The following RIT2 variants were observed in gnomAD, a reference collection of about 807,000 sequenced individuals.
RIT2 encodes Ras like without CAAX 2.
A neutral mutation model predicts 23.7 loss-of-function variants in RIT2; 24 were observed. The observed-to-expected ratio is 1.01, with a 90% CI of 0.73 to 1.43. The LOEUF is 1.43. RIT2 is among the 40% of genes most tolerant of loss of function. The pLI is 0.00. For synonymous variants in RIT2, 107 were observed against 91.1 expected, an observed-to-expected ratio of 1.17 and a Z score of -0.99; for missense variants, 236 against 266.9, an observed-to-expected ratio of 0.88 and a Z score of 0.81.
chr18:43,062,972 G>A (rs987101032), intron 1 of RIT2, among the ~76,000 whole-genome samples: 2 of 152,000 alleles, frequency 1.3e-5, no homozygotes, highest in Admixed American at 6.6e-5. Context: ...TTTTGAAAAG[G>A]AAAGGCTAGG....
intron 1 of RIT2, among the ~76,000 whole-genome samples, chr18:43,096,489 T>C (rs1292758987): frequency 1.3e-5 from 2 of 151,868 alleles, no homozygotes; most frequent in South Asian, 2.1e-4. Flanking sequence ...TATGTATTTA[T>C]ATTGCCTGTA....
rs566335223 is a variant in RIT2 at position 42,869,921 on chromosome 18, T to C, written c.426+53651A>G. Among the ~76,000 whole-genome samples the C allele has an allele frequency of 2.6e-5, 4 of 152,358 alleles. No individual in the cohort carries two copies. In the East Asian group the frequency reaches 5.8e-4, roughly 22 times the overall value. ...ACATATCCTTTCTCTACTCTCTGCC[T>C]GTTGGTTGAGTTCCCTGCCACCTCC... On this transcript the variant is annotated intron_variant, in intron 4 of 4. Coordinates refer to ENST00000326695, the MANE Select transcript of RIT2 (RefSeq NM_002930.4).
chr18:42,793,685 G>T (rs987855248), intron 4 of RIT2, among the ~76,000 whole-genome samples: 3 of 152,104 alleles, frequency 2.0e-5, no homozygotes, highest in Admixed American at 6.5e-5. Flanking sequence ...GACAGATAAA[G>T]AGAACCCAAA....
intron 4 of RIT2, among the ~76,000 whole-genome samples, chr18:42,848,563 G>A (rs1906968831): frequency 6.6e-6 from 1 of 152,144 alleles, no homozygotes; most frequent in Non-Finnish European, 1.5e-5. Context: ...AAAATGTTAT[G>A]AAGTAGGAAT....
At chr18:43,069,291 G>A (rs773053322) in intron 1 of RIT2, among the ~76,000 whole-genome samples, 1 of 152,048 alleles carries the variant, frequency 6.6e-6, no homozygotes, top group Non-Finnish European at 1.5e-5. Context: ...GCCCTACTCT[G>A]TCTATGGAGT....
chr18:42,799,327 T>G (rs758915695), intron 4 of RIT2, among the ~76,000 whole-genome samples: 1 of 152,208 alleles, frequency 6.6e-6, no homozygotes, highest in Non-Finnish European at 1.5e-5. Context: ...AGCCAAACCC[T>G]TTACCTAAAG....
chr18:42,987,389 ATT>A (rs1208290693), intron 2 of RIT2, among the ~76,000 whole-genome samples: 2 of 152,184 alleles, frequency 1.3e-5, no homozygotes, highest in Non-Finnish European at 2.9e-5. Flanking sequence ...CACCCTGCTG[ATT>A]TCAGAAGCAA....
intron 4 of RIT2, among the ~76,000 whole-genome samples, chr18:42,862,022 G>A (rs948154994): frequency 2.6e-5 from 4 of 152,082 alleles, no homozygotes; most frequent in African/African-American, 9.7e-5. Context: ...AGAGGATCTG[G>A]TATGTTGAAA....
chr18:43,047,599 T>C (rs1344968000), intron 1 of RIT2, among the ~76,000 whole-genome samples: 1 of 151,894 alleles, frequency 6.6e-6, no homozygotes, highest in Non-Finnish European at 1.5e-5. Context: ...AAAATCAAGT[T>C]AAAATAAAAT....
intron 4 of RIT2, among the ~76,000 whole-genome samples, chr18:42,879,342 T>A (rs1170404041): frequency 6.6e-6 from 1 of 152,206 alleles, no homozygotes; most frequent in Non-Finnish European, 1.5e-5. Context: ...TGAAGTATAT[T>A]TGATATTTTG....
At chr18:42,762,115 A>G (rs1913316268) in intron 4 of RIT2, among the ~76,000 whole-genome samples, 1 of 152,224 alleles carries the variant, frequency 6.6e-6, no homozygotes, top group Non-Finnish European at 1.5e-5. Flanking sequence ...AGTAATATTA[A>G]GAGGAAAATA....
At chr18:42,934,799 A>T (rs953817541) in intron 3 of RIT2, among the ~76,000 whole-genome samples, 2 of 152,180 alleles carry the variant, frequency 1.3e-5, no homozygotes, top group African/African-American at 4.8e-5. Context: ...TATTGCAGCA[A>T]TATTTTAAAA....
intron 2 of RIT2, among the ~76,000 whole-genome samples, chr18:42,984,836 A>G (rs1910675118): frequency 6.6e-6 from 1 of 152,098 alleles, no homozygotes; most frequent in Admixed American, 6.6e-5. Context: ...ATTTATAGAA[A>G]AATACTAAAA....
rs574482410 is a variant in RIT2 at position 42,859,740 on chromosome 18, A to G, written c.426+63832T>C. ...TTTTAAATCTCTTATTTGACTTTGT[A>G]TATGGTATGAGATATTTAACAGTAG... On this transcript the variant is annotated intron_variant, in intron 4 of 4. Transcript: ENST00000326695. 9.1e-4 allele frequency among the ~76,000 whole-genome samples: 139 copies of G among 152,138 alleles called. 1 individual carries two copies. Among genetic ancestry groups the G allele is most frequent in the African/African-American group, 3.0e-3 (125 of 41,508 alleles).
At chr18:42,923,495 C>A in intron 4 of RIT2, 77 bp downstream of exon 4, 3 of 1,194,500 alleles carry the variant, frequency 2.5e-6, no homozygotes, top group South Asian at 1.5e-5. Flanking sequence ...CAGTGTGAAC[C>A]TGGGAAAGCA....
At chr18:42,837,306 T>C (rs555324942) in intron 4 of RIT2, among the ~76,000 whole-genome samples, 2 of 151,920 alleles carry the variant, frequency 1.3e-5, no homozygotes, top group African/African-American at 2.4e-5. Flanking sequence ...TAGCTGGGAC[T>C]ACAGGTGCCT....
At chr18:43,033,908 T>A in intron 1 of RIT2, 41 bp from the exon 2 acceptor site, 1 of 1,357,924 alleles carries the variant, frequency 7.4e-7, no homozygotes, top group Non-Finnish European at 1.0e-6. Flanking sequence ...AAAAATTCAC[T>A]AATTCATCAA....
At chr18:42,958,770 C>G (rs1032372316) in intron 3 of RIT2, among the ~76,000 whole-genome samples, 1 of 152,134 alleles carries the variant, frequency 6.6e-6, no homozygotes, top group African/African-American at 2.4e-5. Flanking sequence ...CAGAGCCAGG[C>G]TACCATCCTT....
At chr18:42,980,521 T>C (rs1199033563) in intron 2 of RIT2, among the ~76,000 whole-genome samples, 3 of 152,088 alleles carry the variant, frequency 2.0e-5, no homozygotes, top group Non-Finnish European at 4.4e-5. Context: ...AATCAGTATC[T>C]CTCTGATACC....
Sources: gnomAD v4.1 joint callset for allele counts (sites outside exome capture counted in the v4.1 genomes callset) on GRCh38, gnomAD v4.1.1 for gene constraint, MANE v1.5 for transcripts, NCBI Gene and HGNC (gene_info 2026-07-23, HGNC 2026-07-21) for gene names.